Variants in ST6GAL2 observed in about 807,000 individuals in gnomAD.
The protein encoded by ST6GAL2 is beta-galactoside alpha-2,6-sialyltransferase 2.
A neutral mutation model predicts 37.5 loss-of-function variants in ST6GAL2; 24 were observed. The observed-to-expected ratio is 0.64, with a 90% CI of 0.46 to 0.90. ST6GAL2 has a LOEUF of 0.90. Among genes scored for constraint, ST6GAL2 ranks in the 40% least tolerant of loss-of-function variants. The pLI is 0.00. For synonymous variants in ST6GAL2, 306 were observed against 295.1 expected, an observed-to-expected ratio of 1.04 and a Z score of -0.38; for missense variants, 715 against 712.7, an observed-to-expected ratio of 1.00 and a Z score of -0.04.
chr2:106,855,917 G>C (rs1257310637), intron 1 of ST6GAL2, among the ~76,000 whole-genome samples: 1 of 152,108 alleles, frequency 6.6e-6, no homozygotes, highest in Non-Finnish European at 1.5e-5. Context: ...GTCTTGACAT[G>C]ACCAGTCAAG....
intron 1 of ST6GAL2, among the ~76,000 whole-genome samples, chr2:106,883,833 A>T (rs1040929461): frequency 6.6e-6 from 1 of 152,222 alleles, no homozygotes; most frequent in Non-Finnish European, 1.5e-5. Flanking sequence ...TATCATGCAT[A>T]AGATATTTTT....
intron 1 of ST6GAL2, among the ~76,000 whole-genome samples, chr2:106,856,410 C>T (rs1477617134): frequency 1.3e-5 from 2 of 152,110 alleles, no homozygotes; most frequent in African/African-American, 2.4e-5. Context: ...CCAAACTGTC[C>T]CTCAAATGGG....
chr2:106,831,775 G>A (rs370367677), intron 4 of ST6GAL2, among the ~76,000 whole-genome samples: 2 of 152,156 alleles, frequency 1.3e-5, no homozygotes, highest in East Asian at 3.9e-4. Context: ...ACCTCTCACA[G>A]AAGCAAAGAT....
At position 106,843,984 on chromosome 2, in the gene ST6GAL2, T is replaced by C; in HGVS notation, c.-7A>G. 6.4e-7 allele frequency: 1 copy of C among 1,561,548 alleles called. No individual in the cohort carries two copies. The highest frequency in any genetic ancestry group is 8.7e-7 in the Non-Finnish European group (1 of 1,155,350). On this transcript the variant is annotated 5_prime_UTR_variant, in exon 2 of 6. Transcript: ENST00000409382. The stretch of plus-strand genomic sequence containing the variant: ...GCTTCAAGTGTGGTTTCATGGCAGG[T>C]CTCTGCGGTCAGCACCTTGTGTCTT...
At chr2:106,877,306 C>T (rs1262098721) in intron 1 of ST6GAL2, among the ~76,000 whole-genome samples, 1 of 152,210 alleles carries the variant, frequency 6.6e-6, no homozygotes, top group Non-Finnish European at 1.5e-5. Flanking sequence ...AGTTGATGAA[C>T]TCTGACATGT....
chr2:106,841,777 T>C (rs1047234382), intron 2 of ST6GAL2, among the ~76,000 whole-genome samples: 8 of 152,184 alleles, frequency 5.3e-5, no homozygotes, highest in African/African-American at 1.9e-4. Context: ...GTGCAGAACC[T>C]ACACCACTCT....
In ST6GAL2 at chr2:106,849,507, A is replaced by C. The variant is rs114032923; in HGVS notation, c.-57-5473T>G. Among the ~76,000 whole-genome samples the C allele has an allele frequency of 6.9e-3, 1,055 of 152,246 alleles. 3 individuals carry two copies. Among genetic ancestry groups the C allele is most frequent in the Non-Finnish European group, 0.011 (739 of 68,026 alleles). On this transcript the variant is annotated intron_variant, in intron 1 of 5. Transcript: ENST00000409382. ...AGGAAATCAAAATATTTTACCCCAA[A>C]ATATATTTCTTTGACATATGTTGAA...
chr2:106,862,823 G>A (rs7577151), intron 1 of ST6GAL2, among the ~76,000 whole-genome samples: 104,676 of 151,922 alleles, frequency 0.69, 36,424 homozygotes, highest in Non-Finnish European at 0.75. Context: ...TTCTAGACAG[G>A]GACAGGGCAA....
chr2:106,886,599 C>G (rs1348942110), upstream of ST6GAL2: 3 of 151,826 alleles, frequency 2.0e-5, no homozygotes, highest in Non-Finnish European at 4.4e-5. Flanking sequence ...ACCGCGGCCC[C>G]GAGCCCCGGG....
Position 106,813,167 on chromosome 2 carries a change from C to T in ST6GAL2, c.1319-6218G>A, listed in dbSNP as rs745839466. 6.2e-5 allele frequency: 81 copies of T among 1,301,752 alleles called. No individual in the cohort carries two copies. The African/African-American group carries it at 1.1e-3, about 18-fold the overall frequency. The allele number at this position is 1,301,752 out of a possible 1,614,324, so 80.6% of individuals were successfully genotyped here. On this transcript the variant is annotated intron_variant, in intron 5 of 5. Transcript: ENST00000409382. ...TCACTCTGTCGTCCAGGCTGGAGTG[C>T]AGTCGCGTGATCTCGGCTCACTGCA...
chr2:106,806,843 T>C lies in ST6GAL2; in HGVS notation c.1425A>G (p.Ala475=), dbSNP rs1417827197. Residue 475 remains alanine (A), a synonymous_variant, in exon 6 of 6, where the codon GCA becomes GCG. Transcript: ENST00000409382. The stretch of plus-strand genomic sequence containing the variant: ...GGTGGTACGCCCCGAGGGTGCAGGC[T>C]GCGTCGTAGTACAGCTCGTGGTAGT... The part of the protein sequence containing the change: ...LCHYHELYYD[A]ACTLGAYHPL... 2 of 1,614,206 alleles carry C rather than the reference T, an allele frequency of 1.2e-6. No individual in the cohort carries two copies. Among genetic ancestry groups the C allele is most frequent in the Non-Finnish European group, 1.7e-6 (2 of 1,180,042 alleles).
At chr2:106,870,536 A>G (rs1678221348) in intron 1 of ST6GAL2, among the ~76,000 whole-genome samples, 1 of 152,116 alleles carries the variant, frequency 6.6e-6, no homozygotes, top group Admixed American at 6.5e-5. Flanking sequence ...ACAAATAAAC[A>G]AGCAGAACAC....
rs1185759657 is a variant in ST6GAL2, at chr2:106,801,681, T to C, written c.*4997A>G. 1.3e-5 allele frequency: 2 copies of C among 152,166 alleles called. No homozygotes were observed. Among genetic ancestry groups the C allele is most frequent in the Non-Finnish European group, 2.9e-5 (2 of 68,014 alleles). 9.4% of individuals were successfully genotyped at this position (152,166 alleles called of 1,614,324 possible). On this transcript the variant is annotated 3_prime_UTR_variant, in exon 6 of 6. Transcript: ENST00000409382. Reference sequence around the variant, plus strand: ...TACATAAAAATATACAAAACCAAAATAGAAAATATCCAAGTGTTAAAATGT... The same window carrying C: ...TACATAAAAATATACAAAACCAAAACAGAAAATATCCAAGTGTTAAAATGT...
chr2:106,850,541 T>G (rs1309479462), intron 1 of ST6GAL2, among the ~76,000 whole-genome samples: 2 of 152,200 alleles, frequency 1.3e-5, no homozygotes, highest in East Asian at 3.9e-4. Context: ...CTGCAAACCT[T>G]CTGCTGCCAA....
At position 106,806,560 on chromosome 2, in the gene ST6GAL2, T is replaced by C; in HGVS notation, c.*118A>G. 2.6e-6 allele frequency: 3 copies of C among 1,136,116 alleles called. No individual in the cohort carries two copies. Among genetic ancestry groups the C allele is most frequent in the Non-Finnish European group, 3.8e-6 (3 of 792,454 alleles). 70.4% of individuals were successfully genotyped at this position (1,136,116 alleles called of 1,614,324 possible). A position where few individuals can be genotyped will look rare whatever the true frequency, so the allele number is the denominator to read the frequency against. Reference sequence around the variant, plus strand: ...AGAGAAGGATTATCATGACCACCACTAAATTACTGTTTAAAGACTCAAAAC... The same window carrying C: ...AGAGAAGGATTATCATGACCACCACCAAATTACTGTTTAAAGACTCAAAAC... On this transcript the variant is annotated 3_prime_UTR_variant, in exon 6 of 6. Coordinates refer to ENST00000409382, the MANE Select transcript of ST6GAL2 (RefSeq NM_001142351.2).
chr2:106,848,964 C>G (rs1404262159), intron 1 of ST6GAL2, among the ~76,000 whole-genome samples: 1 of 152,152 alleles, frequency 6.6e-6, no homozygotes, highest in East Asian at 1.9e-4. Flanking sequence ...CAATCTGTAA[C>G]CAATCAAACA....
intron 1 of ST6GAL2, among the ~76,000 whole-genome samples, chr2:106,846,521 G>T (rs1677151230): frequency 6.6e-6 from 1 of 152,006 alleles, no homozygotes; most frequent in South Asian, 2.1e-4. Flanking sequence ...TAATTAAAAA[G>T]AAAAATTAAG....
intron 5 of ST6GAL2, among the ~76,000 whole-genome samples, chr2:106,812,644 C>T (rs563130723): frequency 6.6e-6 from 1 of 152,322 alleles, no homozygotes; most frequent in South Asian, 2.1e-4. Flanking sequence ...GATAAGCAGT[C>T]AAGCTGGCGG....
chr2:106,881,271 T>C (rs1288104356), intron 1 of ST6GAL2, among the ~76,000 whole-genome samples: 3 of 152,208 alleles, frequency 2.0e-5, no homozygotes, highest in Admixed American at 6.5e-5. Flanking sequence ...TTATAGGCAC[T>C]GCACCAGGCC....
Sources: allele counts gnomAD v4.1 joint callset (sites outside exome capture counted in the v4.1 genomes callset), GRCh38; gene constraint gnomAD v4.1.1; transcripts MANE v1.5; gene names NCBI Gene and HGNC (gene_info 2026-07-23, HGNC 2026-07-21).